The following CXADR variants were observed in gnomAD, a reference collection of about 807,000 sequenced individuals.
The protein encoded by CXADR is CXADR cell adhesion molecule, also known as coxsackievirus and adenovirus receptor.
Under a neutral mutation model 40.3 loss-of-function variants are expected in CXADR, and 20 were observed. The ratio of observed to expected loss-of-function variants is 0.50; its 90% CI spans 0.35 to 0.72. CXADR has a LOEUF of 0.72. CXADR is among the 30% of genes least tolerant of loss of function. The pLI is 0.01. For synonymous variants in CXADR, 150 were observed against 161.3 expected, an observed-to-expected ratio of 0.93 and a Z score of 0.53; for missense variants, 332 against 449.1, an observed-to-expected ratio of 0.74 and a Z score of 2.36.
At chr21:17,574,135 T>G (rs2074694262), downstream of CXADR, among the ~76,000 whole-genome samples, 1 of 152,156 alleles carries the variant, frequency 6.6e-6, no homozygotes, top group South Asian at 2.1e-4. Flanking sequence ...ATGCACAAAG[T>G]ATAGAGTGAA....
chr21:17,555,902 A>G (rs908245568), intron 3 of CXADR, among the ~76,000 whole-genome samples: 5 of 152,196 alleles, frequency 3.3e-5, no homozygotes, highest in African/African-American at 1.2e-4. Context: ...TCTTGGAAGG[A>G]TGACATCATG....
chr21:17,534,032 A>ATATATATATATATATATATATC (rs1555864957), intron 1 of CXADR, among the ~76,000 whole-genome samples: 2 of 81,400 alleles, frequency 2.5e-5, no homozygotes, highest in African/African-American at 1.1e-4. Context: ...ATATATAGCT[A>ATATATATATATATATATATATC]TATATATATA....
At chr21:17,560,082 T>C (rs2061094352) in intron 4 of CXADR, among the ~76,000 whole-genome samples, 1 of 152,078 alleles carries the variant, frequency 6.6e-6, no homozygotes, top group East Asian at 1.9e-4. Flanking sequence ...ATATAGTAAT[T>C]TACCCATGGT....
chr21:17,625,904 G>A, the CXADR span, among the ~76,000 whole-genome samples: 1 of 152,166 alleles, frequency 6.6e-6, no homozygotes, highest in Non-Finnish European at 1.5e-5. Context: ...TTGGAATAAA[G>A]AATGAAACAA....
At chr21:17,517,583 A>G (rs1409097750) in intron 1 of CXADR, among the ~76,000 whole-genome samples, 2 of 152,240 alleles carry the variant, frequency 1.3e-5, no homozygotes, top group Non-Finnish European at 2.9e-5. Flanking sequence ...AAGAACAGCT[A>G]GGATACAGGA....
the CXADR span, among the ~76,000 whole-genome samples, chr21:17,606,104 A>G: frequency 6.6e-6 from 1 of 152,046 alleles, no homozygotes; most frequent in Non-Finnish European, 1.5e-5. Context: ...AATATTAACA[A>G]TAATAAGCAT....
chr21:17,563,079 C>T (rs8131116), intron 6 of CXADR, among the ~76,000 whole-genome samples: 22,710 of 152,074 alleles, frequency 0.15, 3,276 homozygotes, highest in African/African-American at 0.38. Context: ...TTTGCATTTA[C>T]AATTTGGTTT....
At chr21:17,611,457 G>A in the CXADR span, among the ~76,000 whole-genome samples, 1 of 152,284 alleles carries the variant, frequency 6.6e-6, no homozygotes, top group South Asian at 2.1e-4. Flanking sequence ...TGTAACACAA[G>A]ATGACTCATT....
chr21:17,549,128 G>A (rs2060934750), intron 2 of CXADR, among the ~76,000 whole-genome samples: 1 of 152,142 alleles, frequency 6.6e-6, no homozygotes, highest in Admixed American at 6.5e-5. Flanking sequence ...GCAGTGTTTT[G>A]TATACTTTAA....
intron 1 of CXADR, among the ~76,000 whole-genome samples, chr21:17,519,916 G>T (rs748746781): frequency 6.6e-6 from 1 of 151,864 alleles, no homozygotes; most frequent in Admixed American, 6.6e-5. Context: ...CTGAGATCGC[G>T]CCACTGCACT....
chr21:17,597,747 A>C (rs1405665922), downstream of CXADR, among the ~76,000 whole-genome samples: 1 of 152,086 alleles, frequency 6.6e-6, no homozygotes, highest in Non-Finnish European at 1.5e-5. Flanking sequence ...GAGAAAACCA[A>C]AAATTAAGTT....
At chr21:17,595,249 C>T (rs2061489749), downstream of CXADR, among the ~76,000 whole-genome samples, 1 of 149,814 alleles carries the variant, frequency 6.7e-6, no homozygotes, top group Non-Finnish European at 1.5e-5. Context: ...AATGCCACAT[C>T]TTCTTAAATT....
chr21:17,578,148 G>T (rs1360737454), intron 7 of CXADR, among the ~76,000 whole-genome samples: 1 of 152,108 alleles, frequency 6.6e-6, no homozygotes, highest in African/African-American at 2.4e-5. Flanking sequence ...AGATTGATAG[G>T]ATTGCTGGAT....
At chr21:17,571,346 G>A (rs995708676), downstream of CXADR, among the ~76,000 whole-genome samples, 1 of 152,218 alleles carries the variant, frequency 6.6e-6, no homozygotes, top group Non-Finnish European at 1.5e-5. Flanking sequence ...ATCCTTGATA[G>A]CTGGGATGCT....
chr21:17,572,150 T>C (rs980696198), downstream of CXADR, among the ~76,000 whole-genome samples: 2 of 150,174 alleles, frequency 1.3e-5, no homozygotes, highest in African/African-American at 4.9e-5. Context: ...TCACTTGAGG[T>C]CAGGAGTTCG....
At position 17,544,802 on chromosome 21, in the gene CXADR, T is replaced by C. The variant is rs181910257; in HGVS notation, c.44-2225T>C. ...GTGCATTTACATGTGATTGAAAGCTTACGATGGTGCCTAAACGTAAATGGT... is the reference window on the plus strand; with the variant it reads ...GTGCATTTACATGTGATTGAAAGCTCACGATGGTGCCTAAACGTAAATGGT... On this transcript the variant is annotated intron_variant, in intron 1 of 6. Transcript: ENST00000284878. Among the ~76,000 whole-genome samples the C allele has an allele frequency of 3.4e-3, 513 of 152,280 alleles. 2 individuals carry two copies. The highest frequency in any genetic ancestry group is 7.0e-3 in the South Asian group (34 of 4,828).
intron 7 of CXADR, among the ~76,000 whole-genome samples, chr21:17,592,579 CAA>C (rs1336304987): frequency 1.3e-5 from 2 of 151,772 alleles, no homozygotes; most frequent in Non-Finnish European, 2.9e-5. Context: ...ATTATCACCA[CAA>C]AACTCTCAAG....
downstream of CXADR, among the ~76,000 whole-genome samples, chr21:17,572,804 T>G (rs1177059082): frequency 6.6e-6 from 1 of 152,170 alleles, no homozygotes; most frequent in African/African-American, 2.4e-5. Context: ...TTTGGTATAC[T>G]AATAATATAT....
chr21:17,567,841 A>AC lies in CXADR; in HGVS notation c.*2150dup. ...AAGTAGAAGTTATCATAGAAAGTGG[A>AC]CACGTATAAGACTTTCCTTCCTTTT... is the stretch of plus-strand genomic sequence containing the variant. On this transcript the variant is annotated 3_prime_UTR_variant, in exon 7 of 7. Transcript: ENST00000284878. 1.0e-6 allele frequency: 1 copy of AC among 961,564 alleles called. No homozygotes were observed. The highest frequency in any genetic ancestry group is 1.2e-6 in the Non-Finnish European group (1 of 809,890). 59.6% of individuals were successfully genotyped at this position (961,564 alleles called of 1,614,324 possible).
Sources: allele counts gnomAD v4.1 joint callset (sites outside exome capture counted in the v4.1 genomes callset), GRCh38; gene constraint gnomAD v4.1.1; transcripts MANE v1.5; gene names NCBI Gene and HGNC (gene_info 2026-07-23, HGNC 2026-07-21).